The following BACH2 variants were observed in gnomAD, a reference collection of about 807,000 sequenced individuals.
BACH2 encodes the protein transcription regulator protein BACH2.
In BACH2, 5 loss-of-function variants were observed where a neutral mutation model predicts 61.8. The ratio of observed to expected loss-of-function variants is 0.08; its 90% CI spans 0.04 to 0.17. The LOEUF is 0.17. Ranked by LOEUF, BACH2 falls within the 10% of genes least tolerant of loss-of-function variation. BACH2 has a pLI of 1.00. For missense variants in BACH2, 824 were observed against 1,091.1 expected (o/e 0.76, Z 3.45); for synonymous variants, 446 against 440.1 (o/e 1.01, Z -0.17).
chr6:90,229,377 T>C (rs1186906978), intron 3 of BACH2, among the ~76,000 whole-genome samples: 1 of 152,072 alleles, frequency 6.6e-6, no homozygotes, highest in African/African-American at 2.4e-5. Flanking sequence ...AGAGAATTGC[T>C]TGAACTTGGG....
intron 5 of BACH2, among the ~76,000 whole-genome samples, chr6:90,013,090 T>C (rs1009023081): frequency 6.6e-6 from 1 of 152,208 alleles, no homozygotes; most frequent in African/African-American, 2.4e-5. Context: ...TGCTAGTATA[T>C]ACATACAAAT....
chr6:90,209,823 G>A (rs552371700), intron 3 of BACH2, among the ~76,000 whole-genome samples: 9 of 152,202 alleles, frequency 5.9e-5, no homozygotes, highest in Middle Eastern at 6.8e-3. Flanking sequence ...TTTTACAACC[G>A]AAACAGGCTA....
intron 1 of BACH2, among the ~76,000 whole-genome samples, chr6:90,272,716 T>C (rs1771564586): frequency 6.6e-6 from 1 of 152,206 alleles, no homozygotes; most frequent in Non-Finnish European, 1.5e-5. Flanking sequence ...TCAAGGCCTC[T>C]TGATTTGTTA....
At chr6:90,004,399 C>T (rs761053488) in intron 6 of BACH2, among the ~76,000 whole-genome samples, 1 of 152,184 alleles carries the variant, frequency 6.6e-6, no homozygotes, top group African/African-American at 2.4e-5. Flanking sequence ...GGGCCATACT[C>T]ACCCCCAGCC....
chr6:89,947,365 C>G (rs1448702805), intron 7 of BACH2, among the ~76,000 whole-genome samples: 1 of 152,180 alleles, frequency 6.6e-6, no homozygotes, highest in African/African-American at 2.4e-5. Context: ...GCAGTCATGG[C>G]AAGTCCCTGA....
At chr6:90,294,463 G>A (rs929111807) in intron 1 of BACH2, among the ~76,000 whole-genome samples, 1 of 152,148 alleles carries the variant, frequency 6.6e-6, no homozygotes, top group South Asian at 2.1e-4. Context: ...CAGAATACTA[G>A]AAGGGAAAAC....
chr6:90,149,832 A>C lies in BACH2; in HGVS notation c.-162+56737T>G, dbSNP rs995769367. ...TGTCCTTGAACTGCCAGAAGTCCTT[A>C]GCATTAACAGTGAGCTGCTGCTATC... On this transcript the variant is annotated intron_variant, in intron 4 of 8. Transcript: ENST00000257749. Among the ~76,000 whole-genome samples the C allele has an allele frequency of 2.0e-4, 30 of 152,300 alleles. No individual in the cohort carries two copies. In the Middle Eastern group the frequency reaches 0.01, roughly 52 times the overall value.
intron 5 of BACH2, among the ~76,000 whole-genome samples, chr6:90,067,438 C>T (rs1370944356): frequency 1.3e-5 from 2 of 152,088 alleles, no homozygotes; most frequent in Non-Finnish European, 2.9e-5. Flanking sequence ...GCCAGTGACA[C>T]GATCAAACCC....
At chr6:90,129,221 C>T (rs963020466) in intron 4 of BACH2, among the ~76,000 whole-genome samples, 27 of 151,990 alleles carry the variant, frequency 1.8e-4, no homozygotes, top group African/African-American at 6.3e-4. Flanking sequence ...AGTATAATAA[C>T]AAAAAATCTA....
At chr6:90,290,405 G>A (rs560952865) in intron 1 of BACH2, among the ~76,000 whole-genome samples, 155 of 152,280 alleles carry the variant, frequency 1.0e-3, no homozygotes, top group African/African-American at 3.6e-3. Flanking sequence ...CTCCCCATTA[G>A]CACTGTGGTC....
At chr6:90,031,869 G>A (rs1347202434) in intron 5 of BACH2, among the ~76,000 whole-genome samples, 4 of 151,960 alleles carry the variant, frequency 2.6e-5, no homozygotes, top group Non-Finnish European at 4.4e-5. Context: ...AAGTTCATAC[G>A]GAAACAAAAA....
rs888289835 is a variant in BACH2, at chr6:89,928,728, C to T, written c.*3680G>A. 1 of 152,762 alleles carries T rather than the reference C, an allele frequency of 6.5e-6. No homozygotes were observed. The highest frequency in any genetic ancestry group is 1.9e-4 in the East Asian group (1 of 5,304). 9.5% of individuals were successfully genotyped at this position (152,762 alleles called of 1,614,324 possible). On this transcript the variant is annotated 3_prime_UTR_variant, in exon 9 of 9. Transcript: ENST00000257749. ...TAAAAGCAGCAAACCTTTAGAAAGA[C>T]AGTTAATAAATTACTCGCACAACAT...
chr6:90,035,152 G>GA (rs1473979931), intron 5 of BACH2, among the ~76,000 whole-genome samples: 1 of 152,044 alleles, frequency 6.6e-6, no homozygotes, highest in Non-Finnish European at 1.5e-5. Flanking sequence ...AATAGCACAT[G>GA]AAAAAATACA....
chr6:90,229,768 G>A (rs949172043), intron 3 of BACH2, among the ~76,000 whole-genome samples: 7 of 152,156 alleles, frequency 4.6e-5, no homozygotes, highest in Admixed American at 2.0e-4. Context: ...ATGAACTTGC[G>A]GCTTTGCGAT....
intron 5 of BACH2, among the ~76,000 whole-genome samples, chr6:90,071,098 G>A (rs946669898): frequency 2.6e-5 from 4 of 152,130 alleles, no homozygotes; most frequent in African/African-American, 7.2e-5. Context: ...CAATCCCACC[G>A]TCTTGGCTGC....
intron 4 of BACH2, among the ~76,000 whole-genome samples, chr6:90,098,285 A>T (rs85706): frequency 3.3e-5 from 5 of 150,976 alleles, no homozygotes; most frequent in Non-Finnish European, 7.4e-5. Context: ...CCCCCCCGCA[A>T]CCCCCACCCT....
intron 4 of BACH2, among the ~76,000 whole-genome samples, chr6:90,107,139 C>A (rs970429641): frequency 6.6e-6 from 1 of 151,962 alleles, no homozygotes; most frequent in African/African-American, 2.4e-5. Flanking sequence ...TTTGGGAGGC[C>A]GAGGCGGGTG....
chr6:90,070,635 T>C (rs569478547), intron 5 of BACH2, among the ~76,000 whole-genome samples: 2 of 152,266 alleles, frequency 1.3e-5, no homozygotes, highest in South Asian at 2.1e-4. Flanking sequence ...CCCCCAAACA[T>C]AGCCTAAAAA....
chr6:89,959,803 T>A (rs1774638837), intron 6 of BACH2, among the ~76,000 whole-genome samples: 1 of 152,236 alleles, frequency 6.6e-6, no homozygotes, highest in African/African-American at 2.4e-5. Context: ...CATATTTCCC[T>A]CTTGCTGAGG....
Sources: allele counts gnomAD v4.1 joint callset (sites outside exome capture counted in the v4.1 genomes callset), GRCh38; gene constraint gnomAD v4.1.1; transcripts MANE v1.5; gene names NCBI Gene and HGNC (gene_info 2026-07-23, HGNC 2026-07-21).